FBN2: variants seen among roughly 807,000 people sequenced by gnomAD.
FBN2 encodes fibrillin 2, also known as fibrillin-2.
FBN2 carries 105 observed loss-of-function variants against 355.6 expected under a neutral mutation model. That is an observed-to-expected ratio of 0.30 (90% CI 0.25 to 0.35). The LOEUF (loss-of-function observed/expected upper bound fraction) is 0.35. FBN2 is among the 10% of genes least tolerant of loss of function. The pLI is 1.00. For missense variants in FBN2, 3,280 were observed against 3,758.7 expected, an observed-to-expected ratio of 0.87 and a Z score of 3.33; for synonymous variants, 1,350 against 1,301.2, an observed-to-expected ratio of 1.04 and a Z score of -0.81.
At chr5:128,336,688 T>C (rs1300957589) in intron 27 of FBN2, among the ~76,000 whole-genome samples, 5 of 152,230 alleles carry the variant, frequency 3.3e-5, no homozygotes, top group Non-Finnish European at 7.3e-5. Flanking sequence ...TGTGTCGGGA[T>C]AGTAATCTAC....
chr5:128,332,360 C>T (rs1750716668), intron 32 of FBN2, among the ~76,000 whole-genome samples: 1 of 152,166 alleles, frequency 6.6e-6, no homozygotes, highest in Non-Finnish European at 1.5e-5. Context: ...AGTCCCTTCC[C>T]TCTCAGATAT....
At position 128,263,676 on chromosome 5, in the gene FBN2, A is replaced by G. The variant is rs757727779; in HGVS notation, c.7961-20T>C. 6.3e-7 allele frequency: 1 copy of G among 1,591,920 alleles called. No individual in the cohort carries two copies. The highest frequency in any genetic ancestry group is 8.6e-7 in the Non-Finnish European group (1 of 1,161,318). ...TCTCATCTAGTGAAACGAAGAAAGA[A>G]ACTCTTACACGGGGAAGCAGGCAAG... On this transcript the variant is annotated intron_variant, in intron 62 of 64. Coordinates refer to ENST00000262464, the MANE Select transcript of FBN2 (RefSeq NM_001999.4).
Position 128,395,210 on chromosome 5 carries a change from C to A in FBN2, c.1143G>T (p.Gly381=), listed in dbSNP as rs749428195. 3 of 1,613,944 alleles carry A rather than the reference C, an allele frequency of 1.9e-6. No homozygotes were observed. The highest frequency in any genetic ancestry group is 2.5e-6 in the Non-Finnish European group (3 of 1,179,996). The change falls in exon 9 of 65, where the codon GGG becomes GGT. Residue 381 remains glycine (G), a synonymous_variant. Coordinates refer to ENST00000262464, the MANE Select transcript of FBN2 (RefSeq NM_001999.4). ...AGCAGCACTGCATTTTCGTCATTCT[C>A]CCCGGGAGCTCTTGTGCACAGCGGC... ...VNGRCAQELP[G]RMTKMQCCCE...
At chr5:128,476,101 T>C (rs888969418) in intron 5 of FBN2, among the ~76,000 whole-genome samples, 9 of 152,090 alleles carry the variant, frequency 5.9e-5, no homozygotes, top group African/African-American at 1.4e-4. Flanking sequence ...TGTTTCAAAA[T>C]AATGGTGAAA....
In FBN2 at chr5:128,519,340, A is replaced by C; in HGVS notation, c.561T>G (p.Gly187=). The C allele has an allele frequency of 6.2e-7, 1 of 1,613,954 alleles. No homozygotes were observed. The highest frequency in any genetic ancestry group is 8.5e-7 in the Non-Finnish European group (1 of 1,179,934). The change falls in exon 5 of 65, where the codon GGT becomes GGG. Residue 187 remains glycine (G), a synonymous_variant. Transcript: ENST00000262464. ...QPVCENGCQN[G]GRCIGPNRCA... Reference sequence around the variant, plus strand: ...AGCGGTTGGGTCCGATGCAACGTCCACCATTCTGACATCCATTTTCACAGA... The same window carrying C: ...AGCGGTTGGGTCCGATGCAACGTCCCCCATTCTGACATCCATTTTCACAGA...
intron 34 of FBN2, among the ~76,000 whole-genome samples, chr5:128,321,862 C>T (rs556311934): frequency 2.9e-4 from 44 of 152,270 alleles, no homozygotes; most frequent in Non-Finnish European, 5.6e-4. Context: ...CTGGAGGAAT[C>T]GCCACACTGT....
At chr5:128,282,931 A>T (rs1749018760) in intron 55 of FBN2, among the ~76,000 whole-genome samples, 1 of 152,096 alleles carries the variant, frequency 6.6e-6, no homozygotes, top group South Asian at 2.1e-4. Context: ...TCAAATCTCA[A>T]ATGGGTACAT....
At chr5:128,464,949 A>G in intron 5 of FBN2, 28 bp from the exon 6 acceptor site, 2 of 1,604,696 alleles carry the variant, frequency 1.2e-6, no homozygotes, top group Non-Finnish European at 1.7e-6. Context: ...AAAGAAAGAC[A>G]GGTTTTATGA....
At chr5:128,450,329 C>T (rs1332652109) in intron 6 of FBN2, among the ~76,000 whole-genome samples, 1 of 151,844 alleles carries the variant, frequency 6.6e-6, no homozygotes. Context: ...TAAAATAATC[C>T]AAAATATGTT....
At chr5:128,479,974 CTCTATATATATATATATATATATATATA>C (rs1186308864) in intron 5 of FBN2, among the ~76,000 whole-genome samples, 43 of 17,214 alleles carry the variant, frequency 2.5e-3, no homozygotes, top group African/African-American at 0.017. Context: ...CTCTCTCTCT[CTCTATATATATATATATATATATATATA>C]TATATATATA....
chr5:128,264,214 T>G (rs769077700), intron 62 of FBN2, among the ~76,000 whole-genome samples: 1 of 152,156 alleles, frequency 6.6e-6, no homozygotes, highest in Non-Finnish European at 1.5e-5. Flanking sequence ...CTATAAGTAT[T>G]TGTATCCATT....
In FBN2 at chr5:128,374,659, C is replaced by G. The variant is rs1035878514; in HGVS notation, c.2064G>C (p.Leu688=). 4.3e-6 allele frequency: 7 copies of G among 1,614,034 alleles called. No individual in the cohort carries two copies. The highest frequency in any genetic ancestry group is 5.1e-6 in the Non-Finnish European group (6 of 1,179,926). Reference sequence around the variant, plus strand: ...ACACACGTCCATCCATGCCCACAGCCAGGCCTGGGGGACAGTCACAGCGGA... The same window carrying G: ...ACACACGTCCATCCATGCCCACAGCGAGGCCTGGGGGACAGTCACAGCGGA... ...GSFRCDCPPG[L]AVGMDGRVCV... The change falls in exon 15 of 65, where the codon CTG becomes CTC. Residue 688 remains leucine (L), a synonymous_variant. Transcript: ENST00000262464.
rs140735133 is a variant in FBN2 at position 128,534,527 on chromosome 5, T to C, written c.337+1875A>G. 3.1e-3 allele frequency among the ~76,000 whole-genome samples: 474 copies of C among 152,354 alleles called. 1 individual carries two copies. The highest frequency in any genetic ancestry group is 5.0e-3 in the Admixed American group (77 of 15,306). Reference sequence around the variant, plus strand: ...AATAAATATTTTTGTAGATACGTCTTGACACAAGTGTTATAAATGTTTCTT... The same window carrying C: ...AATAAATATTTTTGTAGATACGTCTCGACACAAGTGTTATAAATGTTTCTT... On this transcript the variant is annotated intron_variant, in intron 2 of 64. Coordinates refer to ENST00000262464, the MANE Select transcript of FBN2 (RefSeq NM_001999.4).
chr5:128,451,653 GC>G (rs759845544), intron 6 of FBN2, among the ~76,000 whole-genome samples: 1 of 152,108 alleles, frequency 6.6e-6, no homozygotes, highest in Non-Finnish European at 1.5e-5. Flanking sequence ...ACCCGCCTTG[GC>G]CTCCCAAAGT....
In FBN2 at chr5:128,470,480, T is replaced by C. The variant is rs1010685312; in HGVS notation, c.629-5559A>G. Reference sequence around the variant, plus strand: ...AAAGAAGGTTTTTATTGTGACTTTTTCCAGCAACTCTAGGCAGCTGAGCTC... The same window carrying C: ...AAAGAAGGTTTTTATTGTGACTTTTCCCAGCAACTCTAGGCAGCTGAGCTC... On this transcript the variant is annotated intron_variant, in intron 5 of 64. Transcript: ENST00000262464. 3.9e-5 allele frequency among the ~76,000 whole-genome samples: 6 copies of C among 152,170 alleles called. 1 individual carries two copies.
At chr5:128,429,150 C>G (rs537173850) in intron 7 of FBN2, among the ~76,000 whole-genome samples, 2 of 152,170 alleles carry the variant, frequency 1.3e-5, no homozygotes, top group Non-Finnish European at 2.9e-5. Flanking sequence ...TCAGGCTGTA[C>G]TCCTTACCTT....
chr5:128,259,182 A>G lies in FBN2; in HGVS notation c.*273T>C, dbSNP rs142804569. On this transcript the variant is annotated 3_prime_UTR_variant, in exon 65 of 65. Transcript: ENST00000262464. The stretch of plus-strand genomic sequence containing the variant: ...TTTGTGCATTTAGTGCCATATGCTG[A>G]TATCTTGAACATTTAGGTTTCTTTT... 1.0e-3 allele frequency: 419 copies of G among 416,466 alleles called. 5 individuals are homozygous for G. Among genetic ancestry groups the G allele is most frequent in the African/African-American group, 7.3e-3 (363 of 50,040 alleles). The allele number at this position is 416,466 out of a possible 1,614,324, so 25.8% of individuals were successfully genotyped here.
intron 34 of FBN2, among the ~76,000 whole-genome samples, chr5:128,323,505 A>C (rs1355857835): frequency 6.6e-6 from 1 of 152,186 alleles, no homozygotes; most frequent in Non-Finnish European, 1.5e-5. Flanking sequence ...ATTTTATCAA[A>C]GGCCTAGTTT....
At chr5:128,479,166 T>A (rs978885702) in intron 5 of FBN2, among the ~76,000 whole-genome samples, 1 of 152,242 alleles carries the variant, frequency 6.6e-6, no homozygotes, top group East Asian at 1.9e-4. Flanking sequence ...GTTGCCAAAC[T>A]ATTGCTTAAA....
Sources: allele counts gnomAD v4.1 joint callset (sites outside exome capture counted in the v4.1 genomes callset), GRCh38; gene constraint gnomAD v4.1.1; transcripts MANE v1.5; gene names NCBI Gene and HGNC (gene_info 2026-07-23, HGNC 2026-07-21).